Variants in SP1 observed in about 807,000 individuals in gnomAD.
SP1 encodes the protein Sp1 transcription factor.
SP1 carries 6 observed loss-of-function variants against 66.3 expected under a neutral mutation model. The ratio of observed to expected loss-of-function variants is 0.09; its 90% confidence interval spans 0.05 to 0.18. The LOEUF (loss-of-function observed/expected upper bound fraction) is 0.18. SP1 is among the 10% of genes least tolerant of loss of function. The probability of loss-of-function intolerance (pLI) is 1.00; values close to 1 mark genes in which losing one functional copy is unlikely to be tolerated. For synonymous variants in SP1, 417 were observed against 360.8 expected (o/e 1.16, Z -1.77); for missense variants, 848 against 964.5 (o/e 0.88, Z 1.60).
intron 1 of SP1, chr12:53,380,612 G>A (rs1592552348): frequency 6.9e-6 from 7 of 1,014,192 alleles, no homozygotes; most frequent in Non-Finnish European, 8.3e-6. Flanking sequence ...TCCCGCCGGG[G>A]GCTGGAGCCG....
Position 53,382,209 on chromosome 12 carries a change from G to A in SP1, c.262G>A (p.Gly88Arg). The A allele has an allele frequency of 6.2e-7, 1 of 1,614,168 alleles. No homozygotes were observed. Among genetic ancestry groups the A allele is most frequent in the South Asian group, 1.1e-5 (1 of 91,080 alleles). The part of the protein sequence containing the change: ...SNNSQGPSQS[G>R]GTGELDLTAT... The stretch of plus-strand genomic sequence containing the variant: ...CAACTCCCAGGGCCCGAGTCAGTCA[G>A]GGGGAACAGGTGAGCTTGACCTCAC... Residue 88 changes from glycine (G) to arginine (R), a missense_variant, in exon 3 of 6, where the codon GGG becomes AGG. Physicochemically the swap from Gly to Arg is moderately radical, Grantham distance 125. Coordinates refer to ENST00000327443, the MANE Select transcript of SP1 (RefSeq NM_138473.3).
intron 3 of SP1, among the ~76,000 whole-genome samples, chr12:53,383,874 G>A (rs946404107): frequency 6.6e-6 from 1 of 152,144 alleles, no homozygotes; most frequent in African/African-American, 2.4e-5. Flanking sequence ...CAGTGTTTTT[G>A]GTGCTGCAGA....
At chr12:53,392,036 G>A (rs1938366398) in intron 3 of SP1, among the ~76,000 whole-genome samples, 1 of 152,140 alleles carries the variant, frequency 6.6e-6, no homozygotes, top group African/African-American at 2.4e-5. Flanking sequence ...TTGTCCTTTT[G>A]TTCCAGTGTT....
chr12:53,406,838 T>G (rs929236982), intron 4 of SP1, 85 bp downstream of exon 4: 54 of 1,267,426 alleles, frequency 4.3e-5, no homozygotes, highest in Admixed American at 7.7e-5. Context: ...ATTTTTTTTT[T>G]TTTTGAGACC....
In SP1 at chr12:53,415,639, GAA is replaced by G. The variant is rs534047310; in HGVS notation, c.*4415_*4416del. The G allele has an allele frequency of 2.5e-4, 27 of 107,280 alleles. No individual in the cohort carries two copies. The highest frequency in any genetic ancestry group is 3.0e-4 in the Admixed American group (3 of 10,098). The allele number at this position is 107,280 out of a possible 1,614,324, so 6.6% of individuals were successfully genotyped here. A position where few individuals can be genotyped will look rare whatever the true frequency, so the allele number is the denominator to read the frequency against. ...CCTAAGTCCTAGCTAAGTATCAGGG[GAA>G]AAAAAAAAAAAAAAAGCCTAACAAA... On this transcript the variant is annotated 3_prime_UTR_variant, in exon 6 of 6. Coordinates refer to ENST00000327443, the MANE Select transcript of SP1 (RefSeq NM_138473.3).
Position 53,383,152 on chromosome 12 carries a change from A to G in SP1, c.1205A>G (p.Gln402Arg), listed in dbSNP as rs201521140. Residue 402 changes from glutamine to arginine, a missense_variant, in exon 3 of 6, where the codon CAG (glutamine) becomes CGG (arginine). Coordinates refer to ENST00000327443, the MANE Select transcript of SP1 (RefSeq NM_138473.3). ...QQTQQQQILI[Q>R]PQLVQGGQAL... is the part of the protein sequence containing the mutation. The stretch of plus-strand genomic sequence containing the variant: ...ACACAGCAGCAACAAATTCTTATCC[A>G]GCCTCAGCTAGTTCAAGGGGGACAG... The G allele has an allele frequency of 4.4e-4, 717 of 1,614,222 alleles. 6 individuals carry two copies. Among genetic ancestry groups the G allele is most frequent in the Non-Finnish European group, 4.4e-5 (52 of 1,180,046 alleles).
In SP1 at chr12:53,410,136, G is replaced by A. The variant is rs144032642; in HGVS notation, c.2044+575G>A. On this transcript the variant is annotated intron_variant, in intron 5 of 5. Coordinates refer to ENST00000327443, the MANE Select transcript of SP1 (RefSeq NM_138473.3). ...AGCCTGGCCAACATGGGGAAACCCT[G>A]TCTCTACTAAAATTACAAAATAGTC... 7.9e-4 allele frequency among the ~76,000 whole-genome samples: 120 copies of A among 152,026 alleles called. 1 individual carries two copies. The highest frequency in any genetic ancestry group is 1.4e-3 in the Non-Finnish European group (97 of 67,988).
Position 53,414,293 on chromosome 12 carries a change from T to A in SP1, c.*3053T>A, listed in dbSNP as rs1308600077. ...ACACTTATTCCCTCATCCTTTCAGG[T>A]TTTCAGGTTGCCCATTTATATTCAT... On this transcript the variant is annotated 3_prime_UTR_variant, in exon 6 of 6. Transcript: ENST00000327443. 6.6e-6 allele frequency: 1 copy of A among 152,564 alleles called. No homozygotes were observed. Among genetic ancestry groups the A allele is most frequent in the Non-Finnish European group, 1.5e-5 (1 of 68,038 alleles). 9.5% of individuals were successfully genotyped at this position (152,564 alleles called of 1,614,324 possible). A position where few individuals can be genotyped will look rare whatever the true frequency, so the allele number is the denominator to read the frequency against.
At chr12:53,406,929 A>G (rs1938753414) in intron 4 of SP1, among the ~76,000 whole-genome samples, 176 bp downstream of exon 4, 1 of 151,212 alleles carries the variant, frequency 6.6e-6, no homozygotes, top group Non-Finnish European at 1.5e-5. Context: ...GGTTCACGCC[A>G]TTCTCCTGCC....
At chr12:53,399,339 T>C (rs1938555900) in intron 3 of SP1, among the ~76,000 whole-genome samples, 1 of 128,734 alleles carries the variant, frequency 7.8e-6, no homozygotes, top group African/African-American at 4.3e-5. Context: ...GTTTTTTGTT[T>C]TTGTTTTTTT....
chr12:53,387,518 AAGTT>A (rs1483655752), intron 3 of SP1, among the ~76,000 whole-genome samples: 3 of 152,152 alleles, frequency 2.0e-5, no homozygotes, highest in African/African-American at 7.2e-5. Context: ...TTAGAATTGA[AAGTT>A]AGAGCTGGAA....
At chr12:53,391,797 A>G (rs1418228652) in intron 3 of SP1, among the ~76,000 whole-genome samples, 2 of 150,264 alleles carry the variant, frequency 1.3e-5, no homozygotes, top group Non-Finnish European at 3.0e-5. Flanking sequence ...TGCCATCTGT[A>G]TGTCCATGAA....
Position 53,383,464 on chromosome 12 carries a change from C to T in SP1, c.1517C>T (p.Ala506Val). ...AGCAACACCACTCTCACACCCATTGCCTCAGCTGCTTCCATTCCTGCTGGC... is the reference window on the plus strand; with the variant it reads ...AGCAACACCACTCTCACACCCATTGTCTCAGCTGCTTCCATTCCTGCTGGC... ...SSSNTTLTPI[A>V]SAASIPAGTV... The change falls in exon 3 of 6, where the codon GCC becomes GTC. Residue 506 changes from alanine (A) to valine (V), a missense_variant. By Grantham distance (64) the Ala-to-Val change is moderately conservative (BLOSUM62 0). Around this residue, in one of 7 missense-constraint regions of SP1, gnomAD observed 606 missense variants for 589.9 expected, o/e 1.03. Transcript: ENST00000327443. 6.2e-7 allele frequency: 1 copy of T among 1,614,236 alleles called. No individual in the cohort carries two copies. Among genetic ancestry groups the T allele is most frequent in the South Asian group, 1.1e-5 (1 of 91,088 alleles).
At chr12:53,407,041 G>A (rs1938756532) in intron 4 of SP1, among the ~76,000 whole-genome samples, 1 of 151,862 alleles carries the variant, frequency 6.6e-6, no homozygotes, top group Admixed American at 6.6e-5. Context: ...ACCCAGGATG[G>A]TCTCGATCTC....
intron 3 of SP1, among the ~76,000 whole-genome samples, chr12:53,397,277 C>T (rs1442573112): frequency 6.6e-6 from 1 of 151,998 alleles, no homozygotes; most frequent in Non-Finnish European, 1.5e-5. Context: ...TCCCAAAATG[C>T]TGAGATTACA....
intron 3 of SP1, among the ~76,000 whole-genome samples, chr12:53,390,899 C>T (rs1039576113): frequency 1.3e-5 from 2 of 152,122 alleles, no homozygotes; most frequent in East Asian, 3.8e-4. Context: ...AGTATCTGTT[C>T]TATCTCCCTT....
chr12:53,410,839 A>T, intron 5 of SP1, 88 bp from the exon 6 acceptor site: 1 of 923,258 alleles, frequency 1.1e-6, no homozygotes. Context: ...TACTGGCCTT[A>T]CTCAGCTTAG....
chr12:53,380,547 C>T, intron 1 of SP1: 11 of 690,304 alleles, frequency 1.6e-5, no homozygotes, highest in Non-Finnish European at 2.1e-5. Context: ...CTGCCCGCCC[C>T]GGCCACGGGG....
intron 3 of SP1, among the ~76,000 whole-genome samples, chr12:53,396,418 A>T (rs1327716870): frequency 6.6e-6 from 1 of 151,320 alleles, no homozygotes. Context: ...AAATACAAAA[A>T]TTACCCGGGC....
Sources: allele counts gnomAD v4.1 joint callset (sites outside exome capture counted in the v4.1 genomes callset), GRCh38; gene constraint gnomAD v4.1.1; regional missense constraint gnomAD v4.1.1; transcripts MANE v1.5; gene names NCBI Gene and HGNC (gene_info 2026-07-23, HGNC 2026-07-21).